FBLN1: variants seen among roughly 807,000 people sequenced by gnomAD.
FBLN1 encodes fibulin-1.
Under a neutral mutation model 89.7 loss-of-function variants are expected in FBLN1, and 34 were observed. That is an observed-to-expected ratio of 0.38 (90% CI 0.29 to 0.50). The LOEUF (loss-of-function observed/expected upper bound fraction) is 0.50. FBLN1 is among the 20% of genes least tolerant of loss of function. The probability of loss-of-function intolerance (pLI) is 0.92; values close to 1 mark genes in which losing one functional copy is unlikely to be tolerated. For synonymous variants in FBLN1, 393 were observed against 391.3 expected (o/e 1.00, Z -0.05); for missense variants, 777 against 988.1 (o/e 0.79, Z 2.86).
chr22:45,593,739 A>G (rs6007098), intron 16 of FBLN1, among the ~76,000 whole-genome samples: 13,458 of 152,178 alleles, frequency 0.088, 1,979 homozygotes, highest in African/African-American at 0.31. Context: ...CTTCAGGACA[A>G]AGTGTTGTCT....
At chr22:45,546,972 T>TGTGTTAACCTGAGG in intron 11 of FBLN1, 113 bp from the exon 12 acceptor site, 1 of 1,523,746 alleles carries the variant, frequency 6.6e-7, no homozygotes, top group Admixed American at 1.7e-5. Flanking sequence ...TCTCTCCGAG[T>TGTGTTAACCTGAGG]GTGTTAACCT....
In FBLN1 at chr22:45,579,557, G is replaced by A. The variant is rs2089026126; in HGVS notation, c.1972+2449G>A. ...CCAGCCTGGCCCTTGGAATTGTCGT[G>A]CCTGTAGCCCTGTGTGCTGGGGAGG... On this transcript the variant is annotated intron_variant, in intron 16 of 16. Coordinates refer to ENST00000327858, the MANE Select transcript of FBLN1 (RefSeq NM_006486.3). This position sits in a 1 kb window ranked among gnomAD's most constrained non-coding sequence, Gnocchi z 5.5. Among the ~76,000 whole-genome samples, 1 of 152,220 alleles carries A rather than the reference G, an allele frequency of 6.6e-6. No individual in the cohort carries two copies. Among genetic ancestry groups the A allele is most frequent in the South Asian group, 2.1e-4 (1 of 4,832 alleles).
At chr22:45,548,894 T>A in intron 13 of FBLN1, 150 bp downstream of exon 13, 5 of 1,255,512 alleles carry the variant, frequency 4.0e-6, no homozygotes, top group Non-Finnish European at 5.6e-6. Flanking sequence ...GCCCACCCCA[T>A]CCAAGGGGTG....
chr22:45,538,144 C>A (rs1378114905), intron 8 of FBLN1, among the ~76,000 whole-genome samples: 1 of 152,246 alleles, frequency 6.6e-6, no homozygotes, highest in Non-Finnish European at 1.5e-5. Context: ...CTGAGCTGTT[C>A]CGTGCCATCT....
chr22:45,565,124 C>T, intron 14 of FBLN1: 7 of 1,587,080 alleles, frequency 4.4e-6, no homozygotes, highest in Non-Finnish European at 6.0e-6. Flanking sequence ...CTGATCATGC[C>T]AGGTTTGCAC....
intron 1 of FBLN1, among the ~76,000 whole-genome samples, chr22:45,506,191 A>C (rs1602155405): frequency 6.6e-6 from 1 of 152,328 alleles, no homozygotes; most frequent in South Asian, 2.1e-4. Flanking sequence ...ATGAGGCTTG[A>C]TGTGAGGGGA....
chr22:45,535,139 T>C, intron 7 of FBLN1, 61 bp from the exon 8 acceptor site: 2 of 1,593,218 alleles, frequency 1.3e-6, no homozygotes, highest in Non-Finnish European at 8.6e-7. Flanking sequence ...GATTTTAAAG[T>C]GTTGTAAGAT....
In FBLN1 at chr22:45,597,502, C is replaced by T. The variant is rs1031033036; in HGVS notation, c.1973-2805C>T. Among the ~76,000 whole-genome samples, 2 of 152,096 alleles carry T rather than the reference C, an allele frequency of 1.3e-5. No individual in the cohort carries two copies. The highest frequency in any genetic ancestry group is 1.9e-4 in the East Asian group (1 of 5,186). ...CTAGCGGGGGCACCATTGTTGGCCT[C>T]GGGCCTGGGGAGAGAAAAATATGAC... On this transcript the variant is annotated intron_variant, in intron 16 of 16. Coordinates refer to ENST00000327858, the MANE Select transcript of FBLN1 (RefSeq NM_006486.3). The surrounding 1 kb of genome is among the most constrained non-coding windows in gnomAD (Gnocchi z 4.2).
intron 2 of FBLN1, among the ~76,000 whole-genome samples, chr22:45,525,195 G>A (rs2088307847): frequency 7.0e-6 from 1 of 142,536 alleles, no homozygotes; most frequent in Non-Finnish European, 1.6e-5. Context: ...GAGAGAGAGA[G>A]AAAGAGAGAA....
chr22:45,570,408 G>A (rs1052867729), intron 14 of FBLN1, among the ~76,000 whole-genome samples: 4 of 147,958 alleles, frequency 2.7e-5, no homozygotes, highest in East Asian at 2.0e-4. Flanking sequence ...TAGAAAAATC[G>A]AGTCAGAATT....
intron 16 of FBLN1, among the ~76,000 whole-genome samples, chr22:45,599,301 G>A (rs189304945): frequency 5.3e-5 from 8 of 152,258 alleles, no homozygotes; most frequent in Admixed American, 5.2e-4. Context: ...CCCTGGGGAC[G>A]CCACTGCTGC....
intron 7 of FBLN1, 56 bp downstream of exon 7, chr22:45,533,954 G>A (rs367969895): frequency 5.8e-5 from 94 of 1,608,378 alleles, no homozygotes; most frequent in South Asian, 3.7e-4. Context: ...GATACGGCGC[G>A]GTGGGAAGGG....
At chr22:45,573,914 T>C (rs1338576055) in intron 14 of FBLN1, among the ~76,000 whole-genome samples, 1 of 152,166 alleles carries the variant, frequency 6.6e-6, no homozygotes, top group Non-Finnish European at 1.5e-5. Flanking sequence ...TATTTTATGA[T>C]CAAGAGGTTG....
At chr22:45,560,026 T>C (rs1261423795) in intron 14 of FBLN1, among the ~76,000 whole-genome samples, 1 of 152,234 alleles carries the variant, frequency 6.6e-6, no homozygotes, top group African/African-American at 2.4e-5. Context: ...TTTCGGCTTA[T>C]ACAAATCAAG....
At chr22:45,525,458 G>A (rs2088313148) in intron 2 of FBLN1, 85 bp from the exon 3 acceptor site, 3 of 1,275,004 alleles carry the variant, frequency 2.4e-6, no homozygotes, top group African/African-American at 1.5e-5. Flanking sequence ...GAGGCTCAAA[G>A]GTGAGAGCAC....
intron 16 of FBLN1, among the ~76,000 whole-genome samples, chr22:45,589,215 A>G (rs1243505690): frequency 6.6e-6 from 1 of 152,072 alleles, no homozygotes; most frequent in Middle Eastern, 3.4e-3. Flanking sequence ...AGATGAGGAA[A>G]CTGAGGCACA....
intron 10 of FBLN1, 75 bp downstream of exon 10, chr22:45,542,358 A>G (rs561243541): frequency 1.3e-6 from 2 of 1,579,910 alleles, no homozygotes; most frequent in South Asian, 2.2e-5. Context: ...TGGCACCTCG[A>G]GTGATGTGGT....
At chr22:45,582,868 T>C (rs2089054299) in intron 16 of FBLN1, among the ~76,000 whole-genome samples, 1 of 152,176 alleles carries the variant, frequency 6.6e-6, no homozygotes, top group Non-Finnish European at 1.5e-5. Flanking sequence ...CTGAGATGTT[T>C]TATACTCTCT....
At chr22:45,518,586 G>C in intron 1 of FBLN1, 96 bp from the exon 2 acceptor site, 1 of 905,304 alleles carries the variant, frequency 1.1e-6, no homozygotes, top group South Asian at 1.4e-5. Context: ...CTGTCGTCAA[G>C]ACAGAAGGAC....
Sources: allele counts gnomAD v4.1 joint callset (sites outside exome capture counted in the v4.1 genomes callset), GRCh38; gene constraint gnomAD v4.1.1; non-coding constraint Gnocchi (gnomAD v3.1); transcripts MANE v1.5; gene names NCBI Gene and HGNC (gene_info 2026-07-23, HGNC 2026-07-21).